Variants in TIAM2 observed in about 807,000 individuals in gnomAD.
TIAM2 encodes the protein rho guanine nucleotide exchange factor TIAM2.
A neutral mutation model predicts 152.9 loss-of-function variants in TIAM2; 80 were observed. The ratio of observed to expected loss-of-function variants is 0.52; its 90% CI spans 0.44 to 0.63. The LOEUF (loss-of-function observed/expected upper bound fraction) is 0.63, where lower values mean the gene tolerates loss of function less well. Among genes scored for constraint, TIAM2 ranks in the 30% least tolerant of loss-of-function variants. TIAM2 has a pLI of 0.00. For synonymous variants in TIAM2, 804 were observed against 838.0 expected (o/e 0.96, Z 0.70); for missense variants, 1,965 against 2,120.1 (o/e 0.93, Z 1.44).
Position 155,249,968 on chromosome 6 carries a change from A to G in TIAM2, c.3950A>G (p.Glu1317Gly). The change falls in exon 21 of 27, where the codon GAG (glutamate) becomes GGG (glycine). Residue 1317 changes from glutamate (E) to glycine (G), a missense_variant and splice_region_variant. This residue lies in a region of TIAM2 where 935 missense variants were observed against 980.0 expected (regional missense o/e 0.95). Transcript: ENST00000682666. ...LVAEQSGTEK[E>G]VTELSMGELL... is the part of the protein sequence containing the mutation. ...GCTGAGCAGAGCGGAACAGAGAAGG[A>G]GGTCCGTGAGACATCTGCACCCTGG... is the stretch of plus-strand genomic sequence containing the variant. The G allele has an allele frequency of 6.2e-7, 1 of 1,611,114 alleles. No homozygotes were observed. The highest frequency in any genetic ancestry group is 8.5e-7 in the Non-Finnish European group (1 of 1,178,324).
intron 15 of TIAM2, among the ~76,000 whole-genome samples, chr6:155,229,409 T>G (rs1287766192): frequency 6.6e-6 from 1 of 152,250 alleles, no homozygotes; most frequent in East Asian, 1.9e-4. Flanking sequence ...CTTTGTGGAA[T>G]CCTTGTACTA....
At chr6:155,076,151 T>C (rs1777954787) in intron 1 of TIAM2, among the ~76,000 whole-genome samples, 1 of 152,122 alleles carries the variant, frequency 6.6e-6, no homozygotes, top group African/African-American at 2.4e-5. Context: ...AAGTTTCAGA[T>C]CCTTCATAAT....
At chr6:155,018,543 A>AG (rs966880878) in intron 1 of TIAM2, among the ~76,000 whole-genome samples, 9 of 149,874 alleles carry the variant, frequency 6.0e-5, no homozygotes, top group African/African-American at 1.2e-4. Flanking sequence ...TGCTTGAACC[A>AG]GGGGGGCGGA....
chr6:155,182,321 C>T lies in TIAM2; in HGVS notation c.2800+3C>T. ...CGATGGCCTGGCGTATGGGGAAGGT[C>T]CGTGTGGCACACCGTGCCCCTGTTG... On this transcript the variant is annotated splice_donor_region_variant and intron_variant, in intron 13 of 26. Transcript: ENST00000682666. 1 of 1,612,910 alleles carries T rather than the reference C, an allele frequency of 6.2e-7. No individual in the cohort carries two copies. The highest frequency in any genetic ancestry group is 8.5e-7 in the Non-Finnish European group (1 of 1,178,952).
At chr6:155,191,985 G>T (rs973456285) in intron 14 of TIAM2, among the ~76,000 whole-genome samples, 10 of 152,176 alleles carry the variant, frequency 6.6e-5, no homozygotes, top group African/African-American at 2.4e-4. Context: ...AGACTTTGAA[G>T]ATATGATTAA....
At chr6:155,239,509 C>G (rs1183001905) in intron 15 of TIAM2, among the ~76,000 whole-genome samples, 1 of 152,214 alleles carries the variant, frequency 6.6e-6, no homozygotes, top group East Asian at 1.9e-4. Flanking sequence ...TCTGACCCTG[C>G]TCCAGCAACT....
chr6:155,032,827 CACGACGCCT>C (rs1300530123), intron 1 of TIAM2, among the ~76,000 whole-genome samples: 1 of 152,180 alleles, frequency 6.6e-6, no homozygotes. Flanking sequence ...AGGCCTGGGC[CACGACGCCT>C]GGCCTGTTTT....
At chr6:155,188,181 C>G (rs144490556) in intron 14 of TIAM2, among the ~76,000 whole-genome samples, 1 of 152,190 alleles carries the variant, frequency 6.6e-6, no homozygotes, top group Non-Finnish European at 1.5e-5. Flanking sequence ...TGTCTTTCCT[C>G]GTGCGCTCAG....
At chr6:155,064,088 A>C (rs1269812102) in intron 1 of TIAM2, among the ~76,000 whole-genome samples, 1 of 152,170 alleles carries the variant, frequency 6.6e-6, no homozygotes, top group Non-Finnish European at 1.5e-5. Flanking sequence ...TACAGCTTTG[A>C]AAACTGATAG....
intron 1 of TIAM2, among the ~76,000 whole-genome samples, chr6:155,021,000 C>T (rs1470284715): frequency 6.6e-6 from 1 of 152,148 alleles, no homozygotes; most frequent in East Asian, 1.9e-4. Flanking sequence ...TTGTGACTGG[C>T]TTATTTTGCT....
intron 1 of TIAM2, among the ~76,000 whole-genome samples, chr6:155,063,432 T>C (rs1777628937): frequency 6.6e-6 from 1 of 151,482 alleles, no homozygotes; most frequent in African/African-American, 2.5e-5. Context: ...CAATTATGTG[T>C]GTATATTTCC....
chr6:155,144,811 G>A, intron 6 of TIAM2, 33 bp downstream of exon 6: 1 of 1,562,468 alleles, frequency 6.4e-7, no homozygotes, highest in East Asian at 2.3e-5. Context: ...GGAGGTAATA[G>A]CTTATGTACT....
At chr6:155,236,832 T>A (rs1460879488) in intron 15 of TIAM2, among the ~76,000 whole-genome samples, 11 of 152,166 alleles carry the variant, frequency 7.2e-5, no homozygotes, top group Admixed American at 7.2e-4. Flanking sequence ...CATCTCCCAC[T>A]GGGCCCCTCC....
intron 22 of TIAM2, 86 bp downstream of exon 22, chr6:155,251,107 C>A: frequency 8.5e-7 from 1 of 1,171,714 alleles, no homozygotes; most frequent in South Asian, 1.2e-5. Context: ...CCAGCTCACT[C>A]CTGAGCTCCA....
At chr6:155,003,104 A>G (rs77416656) in intron 1 of TIAM2, among the ~76,000 whole-genome samples, 2,926 of 152,264 alleles carry the variant, frequency 0.019, 51 homozygotes, top group Middle Eastern at 0.058. Flanking sequence ...TGTTTTTAAA[A>G]GTATTATAAT....
Position 155,151,839 on chromosome 6 carries a change from CT to C in TIAM2, c.2028+3514del, listed in dbSNP as rs1340815695. ...TAATTCTATAGAATCTTTTTTTTTT[CT>C]TTTTTTTTCTTTTTTTTTTTTGAGA... On this transcript the variant is annotated intron_variant, in intron 7 of 26. Coordinates refer to ENST00000682666, the MANE Select transcript of TIAM2 (RefSeq NM_012454.4). 2.5e-3 allele frequency among the ~76,000 whole-genome samples: 200 copies of C among 81,418 alleles called. 3 individuals carry two copies. Among genetic ancestry groups the C allele is most frequent in the African/African-American group, 7.3e-3 (196 of 27,026 alleles). 53.4% of individuals were successfully genotyped at this position (81,418 alleles called of 152,430 possible). A position where few individuals can be genotyped will look rare whatever the true frequency, so the allele number is the denominator to read the frequency against.
chr6:155,094,546 C>CTT (rs10694318), intron 2 of TIAM2, among the ~76,000 whole-genome samples: 11,861 of 79,732 alleles, frequency 0.15, 1,905 homozygotes, highest in Admixed American at 0.22. Context: ...TTCACTCAGA[C>CTT]TTTTTTTTTT....
intron 9 of TIAM2, among the ~76,000 whole-genome samples, chr6:155,175,734 C>T (rs1020737634): frequency 2.6e-5 from 4 of 152,128 alleles, no homozygotes; most frequent in Admixed American, 6.5e-5. Context: ...ATGTCTACAT[C>T]GCTTAAGAAA....
intron 2 of TIAM2, among the ~76,000 whole-genome samples, chr6:155,098,523 T>C (rs2114989504): frequency 6.6e-6 from 1 of 152,382 alleles, no homozygotes; most frequent in East Asian, 1.9e-4. Context: ...TGTATGTTTA[T>C]TTTGTATCCT....
Sources: gnomAD v4.1 joint callset for allele counts (sites outside exome capture counted in the v4.1 genomes callset) on GRCh38, gnomAD v4.1.1 for gene constraint, gnomAD v4.1.1 regional missense constraint, MANE v1.5 for transcripts, NCBI Gene and HGNC (gene_info 2026-07-23, HGNC 2026-07-21) for gene names.